Variants in SENP5 observed in about 807,000 individuals in gnomAD.
SENP5 encodes the protein SUMO specific peptidase 5, also known as sentrin-specific protease 5.
Under a neutral mutation model 74.2 loss-of-function variants are expected in SENP5, and 21 were observed. The observed-to-expected ratio is 0.28, with a 90% CI of 0.20 to 0.41. The LOEUF is 0.41. Among genes scored for constraint, SENP5 ranks in the 10% least tolerant of loss-of-function variants. The pLI is 1.00. For synonymous variants in SENP5, 311 were observed against 312.7 expected (o/e 0.99, Z 0.06); for missense variants, 717 against 889.1 (o/e 0.81, Z 2.46).
At chr3:196,898,689 C>T (rs527605810) in intron 2 of SENP5, among the ~76,000 whole-genome samples, 77 of 151,990 alleles carry the variant, frequency 5.1e-4, no homozygotes, top group African/African-American at 1.7e-3. Flanking sequence ...CCGAGGCGGG[C>T]GGATCACAAG....
intron 2 of SENP5, among the ~76,000 whole-genome samples, chr3:196,892,893 G>A (rs1185148025): frequency 6.6e-6 from 1 of 152,150 alleles, no homozygotes; most frequent in Non-Finnish European, 1.5e-5. Flanking sequence ...AGGCTGAATT[G>A]TATTCCATTG....
At chr3:196,902,199 C>T (rs1223914703) in intron 5 of SENP5, among the ~76,000 whole-genome samples, 1 of 152,224 alleles carries the variant, frequency 6.6e-6, no homozygotes, top group East Asian at 1.9e-4. Context: ...TCACTGTAGC[C>T]TTGAACTCCT....
rs891349258 is a variant in SENP5 at position 196,931,016 on chromosome 3, T to C, written c.*93T>C. ...CACTTAGTTGAATTTTTACAGATAT[T>C]TCAGATCAGTGGTGTTGGGCCACTA... On this transcript the variant is annotated 3_prime_UTR_variant, in exon 10 of 10. Transcript: ENST00000323460. 18 of 810,650 alleles carry C rather than the reference T, an allele frequency of 2.2e-5. No individual in the cohort carries two copies. The Admixed American group carries it at 2.5e-4, about 11-fold the overall frequency. 50.2% of individuals were successfully genotyped at this position (810,650 alleles called of 1,614,324 possible). A position where few individuals can be genotyped will look rare whatever the true frequency, so the allele number is the denominator to read the frequency against.
chr3:196,893,909 CA>C (rs35131152), intron 2 of SENP5, among the ~76,000 whole-genome samples: 20,268 of 119,644 alleles, frequency 0.17, 1,460 homozygotes, highest in Non-Finnish European at 0.24. Flanking sequence ...GACTCTGTCT[CA>C]AAAAAAAAAA....
chr3:196,881,896 GTTTTTTTTT>G (rs11385462), intron 1 of SENP5, among the ~76,000 whole-genome samples: 1 of 109,202 alleles, frequency 9.2e-6, no homozygotes, highest in Non-Finnish European at 1.8e-5. Context: ...GATAGTATTA[GTTTTTTTTT>G]TTTTTTTTTG....
In SENP5 at chr3:196,885,941, A is replaced by G. The variant is rs770057243; in HGVS notation, c.760A>G (p.Lys254Glu). The G allele has an allele frequency of 1.9e-6, 3 of 1,614,200 alleles. No homozygotes were observed. Among genetic ancestry groups the G allele is most frequent in the African/African-American group, 1.3e-5 (1 of 75,068 alleles). ...RILRSQHFRT[K>E]SKVCKLRKAQ... The stretch of plus-strand genomic sequence containing the variant: ...TCTCAGATCCCAGCACTTCAGAACC[A>G]AAAGCAAGGTTTGCAAGCTAAGAAA... Residue 254 changes from lysine (K) to glutamate (E), a missense_variant, in exon 2 of 10, where the codon AAA (lysine) becomes GAA (glutamate). Coordinates refer to ENST00000323460, the MANE Select transcript of SENP5 (RefSeq NM_152699.5).
chr3:196,919,478 C>A (rs1046807092), intron 6 of SENP5, among the ~76,000 whole-genome samples: 4 of 152,098 alleles, frequency 2.6e-5, no homozygotes, highest in African/African-American at 9.7e-5. Context: ...GAGACTCCAT[C>A]TCAAAACAAA....
At chr3:196,889,194 A>G (rs1017981551) in intron 2 of SENP5, among the ~76,000 whole-genome samples, 2 of 145,420 alleles carry the variant, frequency 1.4e-5, no homozygotes, top group Non-Finnish European at 3.0e-5. Context: ...CTAGCAAATT[A>G]AAAAAAAAAA....
At position 196,932,082 on chromosome 3, in the gene SENP5, G is replaced by A. The variant is rs1029021948; in HGVS notation, c.*1159G>A. On this transcript the variant is annotated 3_prime_UTR_variant, in exon 10 of 10. Transcript: ENST00000323460. ...CTAGCACAGCTGTTCTTCTCCTTCT[G>A]TTGAACCTCATCTTCTGAAGAAAGG... The A allele has an allele frequency of 7.8e-6, 2 of 255,328 alleles. No homozygotes were observed. The highest frequency in any genetic ancestry group is 4.7e-5 in the African/African-American group (2 of 42,740). The allele number at this position is 255,328 out of a possible 1,614,324, so 15.8% of individuals were successfully genotyped here. A position where few individuals can be genotyped will look rare whatever the true frequency, so the allele number is the denominator to read the frequency against.
At chr3:196,877,064 A>G (rs1442526029) in intron 1 of SENP5, among the ~76,000 whole-genome samples, 1 of 151,884 alleles carries the variant, frequency 6.6e-6, no homozygotes, top group East Asian at 2.0e-4. Flanking sequence ...TCATGCCTAT[A>G]ATCCCAGCAC....
At chr3:196,868,400 C>T (rs2108798226) in intron 1 of SENP5, among the ~76,000 whole-genome samples, 1 of 152,384 alleles carries the variant, frequency 6.6e-6, no homozygotes, top group African/African-American at 2.4e-5. Context: ...AGGCCTCCAG[C>T]TCCGGCCGCC....
Position 196,885,619 on chromosome 3 carries a change from T to C in SENP5, c.438T>C (p.Asn146=), listed in dbSNP as rs974858412. 6 of 1,614,086 alleles carry C rather than the reference T, an allele frequency of 3.7e-6. No individual in the cohort carries two copies. Among genetic ancestry groups the C allele is most frequent in the Middle Eastern group, 3.3e-4 (2 of 6,084 alleles). The part of the protein sequence containing the change: ...LLKAVTDFPS[N]SALGQANGHR... The stretch of plus-strand genomic sequence containing the variant: ...AGGCAGTTACTGACTTTCCATCAAA[T>C]AGTGCTTTAGGTCAGGCCAATGGTC... The change falls in exon 2 of 10, where the codon AAT becomes AAC. Residue 146 remains asparagine, a synonymous_variant. Transcript: ENST00000323460.
intron 6 of SENP5, among the ~76,000 whole-genome samples, chr3:196,920,832 C>A (rs1186853081): frequency 6.6e-6 from 1 of 152,220 alleles, no homozygotes; most frequent in Non-Finnish European, 1.5e-5. Context: ...CACATGGTAG[C>A]TCTGAAAGTT....
rs1248343440 is a variant in SENP5, at chr3:196,914,992, A to T, written c.1885-8422A>T. ...CTCCAGTGCTGTCATATCACAATGG[A>T]ATACAACACAGGGCAGAATTCTGCC... On this transcript the variant is annotated intron_variant, in intron 6 of 9. Coordinates refer to ENST00000323460, the MANE Select transcript of SENP5 (RefSeq NM_152699.5). Among the ~76,000 whole-genome samples, 5 of 152,150 alleles carry T rather than the reference A, an allele frequency of 3.3e-5. No individual in the cohort carries two copies. The East Asian group carries it at 9.6e-4, about 29-fold the overall frequency.
chr3:196,893,201 C>G (rs953785351), intron 2 of SENP5, among the ~76,000 whole-genome samples: 4 of 152,172 alleles, frequency 2.6e-5, no homozygotes, highest in Non-Finnish European at 5.9e-5. Context: ...CCTTTGCCTG[C>G]TTTTTAAATT....
chr3:196,900,182 G>C, intron 4 of SENP5, 120 bp downstream of exon 4: 1 of 1,328,778 alleles, frequency 7.5e-7, no homozygotes, highest in Non-Finnish European at 1.0e-6. Flanking sequence ...TTCTTTACTG[G>C]TTACTTGCCC....
chr3:196,879,171 A>C (rs1234543570), intron 1 of SENP5, among the ~76,000 whole-genome samples: 1 of 152,218 alleles, frequency 6.6e-6, no homozygotes, highest in Admixed American at 6.5e-5. Flanking sequence ...ACCTGAATGT[A>C]TTACAGCAAC....
chr3:196,874,465 T>G (rs62410812), intron 1 of SENP5, among the ~76,000 whole-genome samples: 28,328 of 152,052 alleles, frequency 0.19, 3,475 homozygotes, highest in Non-Finnish European at 0.24. Context: ...TCAACAACCT[T>G]TAACTGACCA....
At chr3:196,908,752 G>A (rs1715006315) in intron 6 of SENP5, among the ~76,000 whole-genome samples, 1 of 152,194 alleles carries the variant, frequency 6.6e-6, no homozygotes, top group Non-Finnish European at 1.5e-5. Flanking sequence ...GAACCCGGGA[G>A]GTGGAGGTTG....
Sources: allele counts gnomAD v4.1 joint callset (sites outside exome capture counted in the v4.1 genomes callset), GRCh38; gene constraint gnomAD v4.1.1; transcripts MANE v1.5; gene names NCBI Gene and HGNC (gene_info 2026-07-23, HGNC 2026-07-21).